The following BCLAF1 variants were observed in gnomAD, a reference collection of about 807,000 sequenced individuals.
BCLAF1 encodes BCL2 associated transcription factor 1, also known as bcl-2-associated transcription factor 1.
In BCLAF1, 10 loss-of-function variants were observed where a neutral mutation model predicts 99.5. The observed-to-expected ratio is 0.10, with a 90% CI of 0.06 to 0.17. The LOEUF (loss-of-function observed/expected upper bound fraction) is 0.17. Among genes scored for constraint, BCLAF1 ranks in the 10% least tolerant of loss-of-function variants. The probability of loss-of-function intolerance (pLI) is 1.00; values close to 1 mark genes in which losing one functional copy is unlikely to be tolerated. For missense variants in BCLAF1, 636 were observed against 1,105.8 expected (o/e 0.58, Z 6.02); for synonymous variants, 255 against 370.9 (o/e 0.69, Z 3.59).
In BCLAF1 at chr6:136,261,121, A is replaced by G; in HGVS notation, c.2758-6T>C. ...TTACTTCATATTTATTATTCCTAAA[A>G]GAGAGAGAAAAAATTAAAGATTAAC... On this transcript the variant is annotated splice_polypyrimidine_tract_variant and splice_region_variant and intron_variant, in intron 12 of 12. Coordinates refer to ENST00000531224, the MANE Select transcript of BCLAF1 (RefSeq NM_014739.3). The G allele has an allele frequency of 1.3e-6, 2 of 1,577,518 alleles. No homozygotes were observed. Among genetic ancestry groups the G allele is most frequent in the Non-Finnish European group, 8.6e-7 (1 of 1,161,910 alleles).
At chr6:136,274,085 T>A in intron 6 of BCLAF1, 1 of 1,288,428 alleles carries the variant, frequency 7.8e-7, no homozygotes, top group South Asian at 1.2e-5. Context: ...TCAGTTTTTA[T>A]GCCATTTTTG....
intron 4 of BCLAF1, among the ~76,000 whole-genome samples, chr6:136,276,983 G>A (rs944463922): frequency 2.6e-5 from 4 of 152,116 alleles, no homozygotes. Flanking sequence ...TCACAGAACA[G>A]TTCATATAAA....
At position 136,259,394 on chromosome 6, in the gene BCLAF1, C is replaced by T. The variant is rs980773881; in HGVS notation, c.*1716G>A. ...AACTGTTATGGTATTTATTTGTATA[C>T]AATAAAAGGGTCATGAAAATTCTGT... On this transcript the variant is annotated 3_prime_UTR_variant, in exon 13 of 13. Transcript: ENST00000531224. 2.0e-5 allele frequency: 3 copies of T among 151,948 alleles called. No homozygotes were observed. The highest frequency in any genetic ancestry group is 4.8e-5 in the African/African-American group (2 of 41,386). 9.4% of individuals were successfully genotyped at this position (151,948 alleles called of 1,614,324 possible).
At chr6:136,266,393 G>C (rs746193031) in intron 11 of BCLAF1, among the ~76,000 whole-genome samples, 4 of 152,070 alleles carry the variant, frequency 2.6e-5, no homozygotes, top group Non-Finnish European at 4.4e-5. Flanking sequence ...ATGCAGGAGA[G>C]ACCCTTTTCC....
chr6:136,262,282 A>G (rs1353034902), intron 11 of BCLAF1, among the ~76,000 whole-genome samples: 1 of 152,204 alleles, frequency 6.6e-6, no homozygotes, highest in Non-Finnish European at 1.5e-5. Context: ...ATGTAATTTA[A>G]TTAACAGCTA....
At chr6:136,278,993 A>AC (rs879699589) in intron 3 of BCLAF1, among the ~76,000 whole-genome samples, 2,684 of 90,910 alleles carry the variant, frequency 0.03, 46 homozygotes, top group Non-Finnish European at 0.04. Context: ...TGAAGGCACA[A>AC]AACACACACA....
chr6:136,279,496 T>C (rs1784070994), intron 3 of BCLAF1: 1 of 219,714 alleles, frequency 4.6e-6, no homozygotes, highest in Admixed American at 5.8e-5. Flanking sequence ...TGTGGACAAA[T>C]ACAAAGAAAC....
chr6:136,256,633 G>A lies in BCLAF1; in HGVS notation c.*4477C>T, dbSNP rs922419139. On this transcript the variant is annotated 3_prime_UTR_variant, in exon 13 of 13. Transcript: ENST00000531224. The stretch of plus-strand genomic sequence containing the variant: ...GCGGAGGTTGCAGTGAGCCGAGCTC[G>A]AGCCACTGCACTCTAGTCTGGGTAA... 1.1e-4 allele frequency: 17 copies of A among 156,484 alleles called. No individual in the cohort carries two copies. The highest frequency in any genetic ancestry group is 3.9e-4 in the African/African-American group (16 of 41,322). 9.7% of individuals were successfully genotyped at this position (156,484 alleles called of 1,614,324 possible).
chr6:136,265,358 C>G (rs1255706687), intron 11 of BCLAF1, among the ~76,000 whole-genome samples: 2 of 152,140 alleles, frequency 1.3e-5, no homozygotes, highest in Non-Finnish European at 2.9e-5. Flanking sequence ...AGAACTTAAT[C>G]TTTTGAAAGG....
Position 136,272,065 on chromosome 6 carries a change from G to A in BCLAF1, c.1973C>T (p.Ser658Leu), listed in dbSNP as rs1782617708. The A allele has an allele frequency of 6.3e-7, 1 of 1,598,810 alleles. No homozygotes were observed. The part of the protein sequence containing the change: ...SPEIHRRIDI[S>L]PSTLRKHTRL... The stretch of plus-strand genomic sequence containing the variant: ...GGTATGCTTCCTCAGGGTACTTGGT[G>A]AGATGTCAATTCTCCTTAATGTAAA... Residue 658 changes from serine to leucine, a missense_variant, in exon 8 of 13, where the codon TCA (serine) becomes TTA (leucine). By Grantham distance (145) the Ser-to-Leu change is moderately radical. Around this residue, in one of 9 missense-constraint regions of BCLAF1, gnomAD observed 180 missense variants for 270.0 expected, o/e 0.67. Coordinates refer to ENST00000531224, the MANE Select transcript of BCLAF1 (RefSeq NM_014739.3).
At position 136,259,230 on chromosome 6, in the gene BCLAF1, C is replaced by T. The variant is rs1222309758; in HGVS notation, c.*1880G>A. On this transcript the variant is annotated 3_prime_UTR_variant, in exon 13 of 13. Transcript: ENST00000531224. ...CAAAGGTTAAAGCAATGCATTTGAA[C>T]TTAAAATATAACCTGCCCACAGGAA... The T allele has an allele frequency of 6.6e-6, 1 of 152,000 alleles. No homozygotes were observed. The highest frequency in any genetic ancestry group is 2.4e-5 in the African/African-American group (1 of 41,438). 9.4% of individuals were successfully genotyped at this position (152,000 alleles called of 1,614,324 possible).
At chr6:136,284,035 A>G (rs1045959920) in intron 1 of BCLAF1, among the ~76,000 whole-genome samples, 6 of 151,406 alleles carry the variant, frequency 4.0e-5, no homozygotes, top group Admixed American at 1.3e-4. Flanking sequence ...ATTCACTCCT[A>G]GAAGTGGTAC....
intron 11 of BCLAF1, among the ~76,000 whole-genome samples, chr6:136,263,595 TA>T (rs1301951828): frequency 6.6e-6 from 1 of 152,178 alleles, no homozygotes; most frequent in Non-Finnish European, 1.5e-5. Context: ...AAGAACATGT[TA>T]ACAAAGGAGT....
chr6:136,269,754 C>T, intron 8 of BCLAF1, 142 bp from the exon 9 acceptor site: 1 of 548,990 alleles, frequency 1.8e-6, no homozygotes, highest in Non-Finnish European at 2.9e-6. Context: ...AAGATACTAT[C>T]ACTTAGTTTT....
chr6:136,284,937 AG>A (rs1368948570), intron 1 of BCLAF1, among the ~76,000 whole-genome samples: 1 of 152,176 alleles, frequency 6.6e-6, no homozygotes, highest in East Asian at 1.9e-4. Flanking sequence ...TTGGGCCTAA[AG>A]ACAGGGAACA....
At chr6:136,264,026 T>G (rs182181999) in intron 11 of BCLAF1, among the ~76,000 whole-genome samples, 1 of 152,118 alleles carries the variant, frequency 6.6e-6, no homozygotes, top group East Asian at 1.9e-4. Context: ...CCTGACCCCA[T>G]TGCACTAGCC....
At position 136,278,331 on chromosome 6, in the gene BCLAF1, G is replaced by C; in HGVS notation, c.550C>G (p.Gln184Glu). The change falls in exon 4 of 13, where the codon CAG becomes GAG. Residue 184 changes from glutamine to glutamate, a missense_variant. By Grantham distance (29) the Gln-to-Glu change is conservative. This residue lies in a region of BCLAF1 where 65 missense variants were observed against 90.9 expected (regional missense o/e 0.71). Transcript: ENST00000531224. ...QEESPLKSKS[Q>E]EEPKDTFEHD... is the part of the protein sequence containing the mutation. Reference sequence around the variant, plus strand: ...TCAAATGTATCTTTCGGTTCCTCCTGTGATTTACTTTTCAACGGACTCTCT... The same window carrying C: ...TCAAATGTATCTTTCGGTTCCTCCTCTGATTTACTTTTCAACGGACTCTCT... 1 of 1,614,148 alleles carries C rather than the reference G, an allele frequency of 6.2e-7. No homozygotes were observed. The highest frequency in any genetic ancestry group is 8.5e-7 in the Non-Finnish European group (1 of 1,179,980).
At chr6:136,279,541 G>A (rs536947144) in intron 3 of BCLAF1, 57 of 322,928 alleles carry the variant, frequency 1.8e-4, no homozygotes, top group African/African-American at 1.1e-3. Flanking sequence ...TTGAGACCTG[G>A]AGTCAGACTA....
At chr6:136,274,057 G>A in intron 6 of BCLAF1, 2 of 1,287,628 alleles carry the variant, frequency 1.6e-6, no homozygotes, top group Non-Finnish European at 1.0e-6. Flanking sequence ...ATGAAACCCA[G>A]GAATTTGAGC....
Sources: allele counts gnomAD v4.1 joint callset (sites outside exome capture counted in the v4.1 genomes callset), GRCh38; gene constraint gnomAD v4.1.1; regional missense constraint gnomAD v4.1.1; transcripts MANE v1.5; gene names NCBI Gene and HGNC (gene_info 2026-07-23, HGNC 2026-07-21).